CCDC150: variants seen among roughly 807,000 people sequenced by gnomAD.
CCDC150 encodes coiled-coil domain-containing protein 150.
CCDC150 carries 151 observed loss-of-function variants against 156.5 expected under a neutral mutation model. The observed-to-expected ratio is 0.97, with a 90% confidence interval of 0.85 to 1.10. The LOEUF is 1.10. CCDC150 is among the 50% of genes least tolerant of loss of function. The pLI is 0.00. For missense variants in CCDC150, 1,312 were observed against 1,268.1 expected (o/e 1.03, Z -0.53); for synonymous variants, 452 against 429.4 (o/e 1.05, Z -0.65).
At chr2:196,724,196 C>T (rs1698082774) in intron 21 of CCDC150, among the ~76,000 whole-genome samples, 2 of 152,072 alleles carry the variant, frequency 1.3e-5, no homozygotes, top group South Asian at 4.1e-4. Context: ...TGCTATATAA[C>T]ATAGGGCTAT....
intron 13 of CCDC150, among the ~76,000 whole-genome samples, chr2:196,682,556 G>A (rs1694902140): frequency 6.6e-6 from 1 of 151,968 alleles, no homozygotes; most frequent in South Asian, 2.1e-4. Flanking sequence ...AATTTGAAGA[G>A]TATTACAATC....
rs1383364644 is a variant in CCDC150 at position 196,729,995 on chromosome 2, C to A, written c.2859C>A (p.Asn953Lys). 6.2e-7 allele frequency: 1 copy of A among 1,613,604 alleles called. No homozygotes were observed. Among genetic ancestry groups the A allele is most frequent in the Non-Finnish European group, 8.5e-7 (1 of 1,179,762 alleles). ...SIQRFVCEMT[N>K]LQKEMQMLAK... ...AGAGATTTGTGTGTGAAATGACTAA[C>A]CTGCAGAAAGAGATGCAGATGTTGG... The change falls in exon 25 of 28, where the codon AAC (asparagine) becomes AAA (lysine). Residue 953 changes from asparagine to lysine, a missense_variant. Physicochemically the swap from Asn to Lys is moderately conservative, Grantham distance 94 (BLOSUM62 0). Transcript: ENST00000389175.
intron 15 of CCDC150, among the ~76,000 whole-genome samples, chr2:196,709,406 A>G (rs1275100366): frequency 1.3e-5 from 2 of 152,090 alleles, no homozygotes; most frequent in Non-Finnish European, 2.9e-5. Context: ...CCATTCGTCT[A>G]ATGTTTTTTC....
rs543659154 is a variant in CCDC150, at chr2:196,678,058, C to T, written c.1509+697C>T. On this transcript the variant is annotated intron_variant, in intron 13 of 27. Transcript: ENST00000389175. Reference sequence around the variant, plus strand: ...CTATCAGCACCTGCCACTGTATCTTCGAGGTACCATTTTCTGGGTTCTAAA... The same window carrying T: ...CTATCAGCACCTGCCACTGTATCTTTGAGGTACCATTTTCTGGGTTCTAAA... Among the ~76,000 whole-genome samples the T allele has an allele frequency of 7.9e-4, 120 of 152,176 alleles. 2 individuals are homozygous for T. The highest frequency in any genetic ancestry group is 2.3e-3 in the African/African-American group (97 of 41,528).
At chr2:196,705,193 C>G (rs1487133076) in intron 15 of CCDC150, among the ~76,000 whole-genome samples, 1 of 152,224 alleles carries the variant, frequency 6.6e-6, no homozygotes, top group African/African-American at 2.4e-5. Context: ...ATTTCTGTTT[C>G]TCCACATCCT....
chr2:196,677,630 C>T (rs1472707215), intron 13 of CCDC150, among the ~76,000 whole-genome samples: 1 of 152,166 alleles, frequency 6.6e-6, no homozygotes, highest in Non-Finnish European at 1.5e-5. Flanking sequence ...GCCAAGAAGT[C>T]ACCTGAGAGT....
intron 1 of CCDC150, among the ~76,000 whole-genome samples, chr2:196,641,357 C>G (rs1018351267): frequency 3.3e-5 from 5 of 152,072 alleles, no homozygotes; most frequent in African/African-American, 1.2e-4. Context: ...CCAAACCCAC[C>G]TCTTTATTAT....
chr2:196,725,996 A>G lies in CCDC150; in HGVS notation c.2453A>G (p.Lys818Arg), dbSNP rs1433424404. 1.2e-6 allele frequency: 2 copies of G among 1,601,976 alleles called. No individual in the cohort carries two copies. Among genetic ancestry groups the G allele is most frequent in the East Asian group, 2.2e-5 (1 of 44,620 alleles). Residue 818 changes from lysine (K) to arginine (R), a missense_variant, in exon 22 of 28, where the codon AAA becomes AGA. Coordinates refer to ENST00000389175, the MANE Select transcript of CCDC150 (RefSeq NM_001080539.2). ...TFKDRMTEESKVEAELHAERI... is the reference protein window; with the variant it reads ...TFKDRMTEESRVEAELHAERI... ...AGAGACCGGATGACTGAAGAGTCCA[A>G]AGTGGAAGCAGAATTGCATGCTGAA... is the stretch of plus-strand genomic sequence containing the variant.
intron 14 of CCDC150, among the ~76,000 whole-genome samples, chr2:196,697,379 G>A (rs1263529953): frequency 2.6e-5 from 4 of 151,906 alleles, no homozygotes; most frequent in African/African-American, 7.3e-5. Context: ...TGGCAGTCAC[G>A]CAGGGAACCA....
intron 2 of CCDC150, among the ~76,000 whole-genome samples, chr2:196,651,216 T>G (rs1054545452): frequency 6.6e-6 from 1 of 152,228 alleles, no homozygotes; most frequent in African/African-American, 2.4e-5. Flanking sequence ...ATGTGATAAA[T>G]TACATGTTTT....
In CCDC150 at chr2:196,642,458, A is replaced by G. The variant is rs530421776; in HGVS notation, c.12+2680A>G. On this transcript the variant is annotated intron_variant, in intron 1 of 27. Coordinates refer to ENST00000389175, the MANE Select transcript of CCDC150 (RefSeq NM_001080539.2). ...GCAAGGGTATGAGCAACTGCAGTGA[A>G]AATGAGAATCTCTCTCTAACTTTAA... Among the ~76,000 whole-genome samples the G allele has an allele frequency of 1.7e-4, 26 of 152,358 alleles. 1 individual carries two copies. The South Asian group carries it at 5.2e-3, about 30-fold the overall frequency.
At chr2:196,665,741 AT>A in intron 6 of CCDC150, 58 bp downstream of exon 6, 2 of 987,686 alleles carry the variant, frequency 2.0e-6, no homozygotes, top group Non-Finnish European at 2.9e-6. Context: ...AAAAACTGAT[AT>A]TTTACCTATA....
chr2:196,717,438 A>G (rs1697593483), intron 17 of CCDC150, among the ~76,000 whole-genome samples: 1 of 152,228 alleles, frequency 6.6e-6, no homozygotes, highest in African/African-American at 2.4e-5. Flanking sequence ...GTGCATGCAC[A>G]TATACACATG....
At chr2:196,712,554 T>C in intron 16 of CCDC150, 123 bp from the exon 17 acceptor site, 1 of 653,052 alleles carries the variant, frequency 1.5e-6, no homozygotes, top group South Asian at 2.0e-5. Context: ...TAGATTGTAT[T>C]ACTGAACATT....
intron 7 of CCDC150, among the ~76,000 whole-genome samples, chr2:196,669,486 T>A (rs10497789): frequency 2.6e-5 from 4 of 152,106 alleles, no homozygotes; most frequent in Admixed American, 1.3e-4. Context: ...TCGTCATTAC[T>A]TTATTGAATT....
chr2:196,676,832 T>G, intron 12 of CCDC150, 101 bp downstream of exon 12: 1 of 1,114,214 alleles, frequency 9.0e-7, no homozygotes, highest in Non-Finnish European at 1.3e-6. Context: ...AAAACCCAGA[T>G]GCAGTTTGTC....
chr2:196,693,554 C>T (rs190141170), intron 13 of CCDC150, among the ~76,000 whole-genome samples: 60 of 152,256 alleles, frequency 3.9e-4, no homozygotes, highest in Middle Eastern at 3.4e-3. Flanking sequence ...GGAGGTTCTT[C>T]GGGATTTCCT....
chr2:196,726,271 G>A, intron 22 of CCDC150, 172 bp downstream of exon 22: 1 of 634,140 alleles, frequency 1.6e-6, no homozygotes, highest in Non-Finnish European at 2.6e-6. Flanking sequence ...AAAAGTTTCT[G>A]ACATAATTCT....
chr2:196,650,643 C>T (rs563723466), intron 2 of CCDC150, among the ~76,000 whole-genome samples: 152 of 152,290 alleles, frequency 1.0e-3, no homozygotes, highest in African/African-American at 3.5e-3. Context: ...CTGCGTGCCT[C>T]GGCCTCCCAA....
Sources: gnomAD v4.1 joint callset for allele counts (sites outside exome capture counted in the v4.1 genomes callset) on GRCh38, gnomAD v4.1.1 for gene constraint, MANE v1.5 for transcripts, NCBI Gene and HGNC (gene_info 2026-07-23, HGNC 2026-07-21) for gene names.